The following ABCC8 variants were observed in gnomAD, a reference collection of about 807,000 sequenced individuals.
ABCC8 encodes the protein ATP-binding cassette sub-family C member 8.
In ABCC8, 137 loss-of-function variants were observed where a neutral mutation model predicts 188.0. That is an observed-to-expected ratio of 0.73 (90% CI 0.63 to 0.84). The LOEUF is 0.84. Among genes scored for constraint, ABCC8 ranks in the 40% least tolerant of loss-of-function variants. ABCC8 has a pLI of 0.00. For missense variants in ABCC8, 1,750 were observed against 2,072.7 expected (o/e 0.84, Z 3.02); for synonymous variants, 797 against 846.5 (o/e 0.94, Z 1.01).
intron 16 of ABCC8, 70 bp from the exon 17 acceptor site, chr11:17,417,032 G>C: frequency 2.5e-6 from 4 of 1,608,164 alleles, no homozygotes; most frequent in Non-Finnish European, 3.4e-6. Flanking sequence ...ATCACGCTGA[G>C]TCTTAGGGGA....
At chr11:17,434,020 C>T (rs1411154197) in intron 10 of ABCC8, among the ~76,000 whole-genome samples, 1 of 152,154 alleles carries the variant, frequency 6.6e-6, no homozygotes, top group Non-Finnish European at 1.5e-5. Context: ...ATAGTGCAGC[C>T]ATTACTGGCT....
intron 29 of ABCC8, among the ~76,000 whole-genome samples, chr11:17,402,258 G>T (rs1954283390): frequency 6.6e-6 from 1 of 152,214 alleles, no homozygotes; most frequent in Non-Finnish European, 1.5e-5. Flanking sequence ...ACCGAGGGTT[G>T]CAGTGCAGAA....
At position 17,440,947 on chromosome 11, in the gene ABCC8, A is replaced by G. The variant is rs965835840; in HGVS notation, c.1630+1773T>C. ...CTCTCTCTAGGCAGCAAGAATGCCA[A>G]GAATACGCAGATGACCTGAGTGACC... On this transcript the variant is annotated intron_variant, in intron 10 of 38. Coordinates refer to ENST00000389817, the MANE Select transcript of ABCC8 (RefSeq NM_000352.6). Among the ~76,000 whole-genome samples the G allele has an allele frequency of 5.3e-5, 8 of 152,210 alleles. No homozygotes were observed. The East Asian group carries it at 1.5e-3, about 29-fold the overall frequency.
In ABCC8 at chr11:17,470,207, G is replaced by T. The variant is rs759952645; in HGVS notation, c.306C>A (p.His102Gln). The T allele has an allele frequency of 1.2e-6, 2 of 1,614,188 alleles. No individual in the cohort carries two copies. The highest frequency in any genetic ancestry group is 2.2e-5 in the South Asian group (2 of 91,074). Residue 102 changes from histidine to glutamine, a missense_variant, in exon 3 of 39, where the codon CAC (histidine) becomes CAA (glutamine). Transcript: ENST00000389817. ...GILSDGVTES[H>Q]HLHLYMPAGM... ...CGGCTGGCATGTACAGGTGCAGATG[G>T]TGGGATTCGGTCACCCTGAGATGGG...
In ABCC8 at chr11:17,413,416, T is replaced by A. The variant is rs111228378; in HGVS notation, c.2453A>T (p.Asp818Val). Residue 818 changes from aspartate (D) to valine (V), a missense_variant, in exon 20 of 39, where the codon GAC becomes GTC. Asp to Val is a radical substitution (Grantham distance 152). Coordinates refer to ENST00000389817, the MANE Select transcript of ABCC8 (RefSeq NM_000352.6). ...AACCCGTTCCCCAATCTGGGTCTGG[T>A]CTCCATGGGGCAGGATGTCGATGTC... ...QPDIDILPHGDQTQIGERGIN... is the reference protein window; with the variant it reads ...QPDIDILPHGVQTQIGERGIN... The A allele has an allele frequency of 1.9e-6, 3 of 1,614,124 alleles. No individual in the cohort carries two copies. Among genetic ancestry groups the A allele is most frequent in the South Asian group, 1.1e-5 (1 of 91,084 alleles).
chr11:17,403,769 T>C (rs528938956), intron 28 of ABCC8, among the ~76,000 whole-genome samples: 2 of 152,354 alleles, frequency 1.3e-5, no homozygotes, highest in East Asian at 3.9e-4. Flanking sequence ...CTTTACTCTA[T>C]GAATACAGTC....
intron 11 of ABCC8, among the ~76,000 whole-genome samples, chr11:17,431,932 A>G (rs1955864855): frequency 6.6e-6 from 1 of 152,262 alleles, no homozygotes; most frequent in African/African-American, 2.4e-5. Context: ...CACTTTAAAA[A>G]TTAAAAATTT....
Position 17,414,495 on chromosome 11 carries a change from C to T in ABCC8, c.2390+17G>A. On this transcript the variant is annotated intron_variant, in intron 19 of 38. Transcript: ENST00000389817. Reference sequence around the variant, plus strand: ...TTCCTCCCCTCCACATCCTGCCTCCCTCCGACAGGCTTTTACCGTTGTTTG... The same window carrying T: ...TTCCTCCCCTCCACATCCTGCCTCCTTCCGACAGGCTTTTACCGTTGTTTG... The T allele has an allele frequency of 6.2e-7, 1 of 1,614,194 alleles. No homozygotes were observed. Among genetic ancestry groups the T allele is most frequent in the Non-Finnish European group, 8.5e-7 (1 of 1,179,994 alleles).
At chr11:17,440,907 T>G (rs983473545) in intron 10 of ABCC8, among the ~76,000 whole-genome samples, 5 of 152,304 alleles carry the variant, frequency 3.3e-5, no homozygotes, top group African/African-American at 1.2e-4. Context: ...GGTGGCCACC[T>G]AGCTCCATCA....
At chr11:17,425,350 G>C (rs1025872992) in intron 16 of ABCC8, among the ~76,000 whole-genome samples, 5 of 152,176 alleles carry the variant, frequency 3.3e-5, no homozygotes, top group Non-Finnish European at 5.9e-5. Flanking sequence ...TGCAGGAAAC[G>C]GGGGTGCATG....
Position 17,428,407 on chromosome 11 carries a change from T to C in ABCC8, c.1924-2A>G. Reference sequence around the variant, plus strand: ...CTTGCGGTTCACAACCCTGAGGGGCTGGGGGTGGTTTGGAGGTGAGGACCC... The same window carrying C: ...CTTGCGGTTCACAACCCTGAGGGGCCGGGGGTGGTTTGGAGGTGAGGACCC... On this transcript the variant is annotated splice_acceptor_variant, in intron 13 of 38. Transcript: ENST00000389817. LOFTEE classifies it high-confidence loss of function. 1 of 1,612,316 alleles carries C rather than the reference T, an allele frequency of 6.2e-7. No individual in the cohort carries two copies. Among genetic ancestry groups the C allele is most frequent in the Non-Finnish European group, 8.5e-7 (1 of 1,178,704 alleles).
At chr11:17,450,289 T>C (rs960270861) in intron 7 of ABCC8, among the ~76,000 whole-genome samples, 3 of 138,458 alleles carry the variant, frequency 2.2e-5, no homozygotes, top group Admixed American at 1.4e-4. Context: ...TTTCTTTCTT[T>C]CTTTCTTTCT....
chr11:17,434,184 T>C (rs1955974773), intron 10 of ABCC8, among the ~76,000 whole-genome samples: 1 of 152,188 alleles, frequency 6.6e-6, no homozygotes, highest in African/African-American at 2.4e-5. Context: ...CTGCTCCTCC[T>C]GGCCCATCCC....
At chr11:17,424,210 A>G (rs2017649) in intron 16 of ABCC8, among the ~76,000 whole-genome samples, 87,153 of 151,714 alleles carry the variant, frequency 0.57, 25,401 homozygotes, top group Admixed American at 0.64. Context: ...AATACCTAAT[A>G]CATGTGGGGC....
At chr11:17,458,377 T>C (rs1564971633) in intron 6 of ABCC8, among the ~76,000 whole-genome samples, 2 of 152,230 alleles carry the variant, frequency 1.3e-5, no homozygotes, top group African/African-American at 4.8e-5. Flanking sequence ...TCAGATGAAC[T>C]AAAATTCTAA....
At chr11:17,464,277 C>G (rs571714491) in intron 3 of ABCC8, among the ~76,000 whole-genome samples, 113 of 152,328 alleles carry the variant, frequency 7.4e-4, no homozygotes, top group African/African-American at 2.7e-3. Flanking sequence ...AGGGTGAAAG[C>G]CTGGATCCCT....
chr11:17,425,624 T>C (rs1564920173), intron 16 of ABCC8, among the ~76,000 whole-genome samples: 1 of 152,194 alleles, frequency 6.6e-6, no homozygotes. Context: ...GCTGAACATC[T>C]TTTTACCCTC....
At chr11:17,423,078 G>A (rs967834196) in intron 16 of ABCC8, among the ~76,000 whole-genome samples, 1 of 152,058 alleles carries the variant, frequency 6.6e-6, no homozygotes, top group African/African-American at 2.4e-5. Context: ...AGCGGGGCCG[G>A]CCAGGGGTGG....
intron 6 of ABCC8, among the ~76,000 whole-genome samples, chr11:17,457,140 T>C (rs771561283): frequency 2.0e-5 from 3 of 152,190 alleles, no homozygotes; most frequent in South Asian, 2.1e-4. Flanking sequence ...TGCATGGACA[T>C]GGTTATGAAG....
Sources: allele counts gnomAD v4.1 joint callset (sites outside exome capture counted in the v4.1 genomes callset), GRCh38; gene constraint gnomAD v4.1.1; transcripts MANE v1.5; gene names NCBI Gene and HGNC (gene_info 2026-07-23, HGNC 2026-07-21).